NFIC: variants seen among roughly 807,000 people sequenced by gnomAD.
NFIC encodes the protein nuclear factor I C, also known as nuclear factor 1 C-type.
A neutral mutation model predicts 54.4 loss-of-function variants in NFIC; 12 were observed. The ratio of observed to expected loss-of-function variants is 0.22; its 90% CI spans 0.14 to 0.36. The LOEUF (loss-of-function observed/expected upper bound fraction) is 0.36. Ranked by LOEUF, NFIC falls within the 10% of genes least tolerant of loss-of-function variation. The probability of loss-of-function intolerance (pLI) is 1.00; values close to 1 mark genes in which losing one functional copy is unlikely to be tolerated. For missense variants in NFIC, 575 were observed against 718.2 expected (o/e 0.80, Z 2.28); for synonymous variants, 322 against 319.2 (o/e 1.01, Z -0.09).
intron 2 of NFIC, among the ~76,000 whole-genome samples, chr19:3,385,550 T>G (rs999155361): frequency 1.3e-5 from 2 of 150,178 alleles, no homozygotes; most frequent in African/African-American, 4.9e-5. Context: ...TTGGGTTTTT[T>G]GGGGGTTTTT....
intron 2 of NFIC, among the ~76,000 whole-genome samples, chr19:3,421,359 G>A (rs996766105): frequency 1.3e-5 from 2 of 152,212 alleles, no homozygotes; most frequent in African/African-American, 2.4e-5. Flanking sequence ...CCGGACGGCC[G>A]GCTGCCCAGG....
chr19:3,386,557 A>G (rs1273101525), intron 2 of NFIC, among the ~76,000 whole-genome samples: 1 of 151,858 alleles, frequency 6.6e-6, no homozygotes, highest in Non-Finnish European at 1.5e-5. Context: ...TCATGGCCTC[A>G]AGTGATCCGC....
upstream of NFIC, among the ~76,000 whole-genome samples, chr19:3,363,303 G>A (rs1477431829): frequency 2.2e-4 from 24 of 110,394 alleles, no homozygotes; most frequent in African/African-American, 8.1e-4. Context: ...ATGGAGTTTC[G>A]CTCTGTTGCC....
intron 6 of NFIC, among the ~76,000 whole-genome samples, chr19:3,447,368 C>T (rs1018534029): frequency 4.0e-5 from 6 of 151,858 alleles, no homozygotes; most frequent in African/African-American, 1.5e-4. Flanking sequence ...TGGGACTCCA[C>T]CCCAGCCTCC....
intron 2 of NFIC, among the ~76,000 whole-genome samples, chr19:3,405,595 ATTT>A (rs2081635853): frequency 1.3e-5 from 2 of 151,804 alleles, no homozygotes; most frequent in African/African-American, 4.8e-5. Flanking sequence ...AATTTAATTT[ATTT>A]ATTTATTTAT....
intron 2 of NFIC, among the ~76,000 whole-genome samples, chr19:3,390,386 G>T (rs992347172): frequency 6.6e-6 from 1 of 152,184 alleles, no homozygotes; most frequent in Non-Finnish European, 1.5e-5. Context: ...GGCAGGTGGG[G>T]GTCCAGCTCC....
At chr19:3,448,262 A>G (rs1568192390) in intron 6 of NFIC, among the ~76,000 whole-genome samples, 1 of 152,174 alleles carries the variant, frequency 6.6e-6, no homozygotes, top group East Asian at 1.9e-4. Flanking sequence ...TAGTGGAGAC[A>G]GGGTTTCACC....
At chr19:3,428,352 C>T (rs1204096792) in intron 3 of NFIC, among the ~76,000 whole-genome samples, 2 of 147,808 alleles carry the variant, frequency 1.4e-5, no homozygotes, top group East Asian at 2.0e-4. Flanking sequence ...GGGAGGCTGA[C>T]GCAGGAGAAT....
At chr19:3,399,532 G>A (rs1458388732) in intron 2 of NFIC, among the ~76,000 whole-genome samples, 7 of 151,648 alleles carry the variant, frequency 4.6e-5, no homozygotes, top group African/African-American at 1.7e-4. Flanking sequence ...GCTGTGATTG[G>A]GCCACTGCAC....
chr19:3,385,250 A>C (rs1050175162), intron 2 of NFIC, among the ~76,000 whole-genome samples: 2 of 109,168 alleles, frequency 1.8e-5, no homozygotes, highest in African/African-American at 7.5e-5. Context: ...CCAGCTCCTC[A>C]TGGGGGTAAG....
Position 3,453,882 on chromosome 19 carries a change from C to T in NFIC, c.1389C>T (p.Thr463=). 3 of 1,557,858 alleles carry T rather than the reference C, an allele frequency of 1.9e-6. No homozygotes were observed. Among genetic ancestry groups the T allele is most frequent in the African/African-American group, 1.4e-5 (1 of 72,754 alleles). ...ALPPATKPAT[T]SEGGATSPTS... ...CCCCTGCCACCAAACCCGCCACCAC[C>T]TCCGAGGGAGGAGCCACGTCGCCGA... The change falls in exon 9 of 11, where the codon ACC becomes ACT. Residue 463 remains threonine (T), a synonymous_variant. Transcript: ENST00000443272. This position sits in a 1 kb window ranked among gnomAD's most constrained non-coding sequence, Gnocchi z 6.7.
chr19:3,435,279 A>T, intron 6 of NFIC, 72 bp downstream of exon 6: 10 of 1,446,876 alleles, frequency 6.9e-6, no homozygotes, highest in Non-Finnish European at 9.2e-6. Flanking sequence ...GTCTTCCGGC[A>T]GCCACTGCGC....
rs991799368 is a variant in NFIC at position 3,453,924 on chromosome 19, C to A, written c.1423+8C>A. 6.6e-7 allele frequency: 1 copy of A among 1,523,352 alleles called. No homozygotes were observed. The highest frequency in any genetic ancestry group is 2.5e-5 in the East Asian group (1 of 39,218). The allele number at this position is 1,523,352 out of a possible 1,614,324, so 94.4% of individuals were successfully genotyped here. On this transcript the variant is annotated splice_region_variant and intron_variant, in intron 9 of 10. Coordinates refer to ENST00000443272, the MANE Select transcript of NFIC (RefSeq NM_001245002.2). This position sits in a 1 kb window ranked among gnomAD's most constrained non-coding sequence, Gnocchi z 6.7. ...CGTCGCCGACCTCGCCTTGTAAGCA[C>A]GCGGGAAGCGGTGCCCTGGTGGGGC...
intron 2 of NFIC, among the ~76,000 whole-genome samples, chr19:3,396,565 A>G (rs2081467816): frequency 6.6e-6 from 1 of 151,600 alleles, no homozygotes; most frequent in African/African-American, 2.4e-5. Context: ...CCTGTCTACC[A>G]CCAGGCGTCC....
chr19:3,376,044 C>T (rs76287541), intron 1 of NFIC, among the ~76,000 whole-genome samples: 43,122 of 151,962 alleles, frequency 0.28, 6,932 homozygotes, highest in East Asian at 0.44. Context: ...GCCAGGTCTC[C>T]GCCCCTCTCT....
chr19:3,409,759 C>T lies in NFIC; in HGVS notation c.563-15347C>T, dbSNP rs577991341. ...ACAGGAGAGAACAGTGTGTCCGCCC[C>T]GTCAGTGCCATCCAGCGTGCGTGGC... On this transcript the variant is annotated intron_variant, in intron 2 of 10. Transcript: ENST00000443272. 3.3e-5 allele frequency among the ~76,000 whole-genome samples: 5 copies of T among 152,328 alleles called. No homozygotes were observed. In the South Asian group the frequency reaches 6.2e-4, roughly 19 times the overall value.
intron 6 of NFIC, 132 bp from the exon 7 acceptor site, chr19:3,448,882 C>A: frequency 7.2e-7 from 1 of 1,381,982 alleles, no homozygotes; most frequent in Non-Finnish European, 9.8e-7. Flanking sequence ...CAGCCTCTCC[C>A]CCTCAGGATT....
intron 2 of NFIC, among the ~76,000 whole-genome samples, chr19:3,387,973 G>A (rs1268687675): frequency 2.6e-5 from 4 of 152,224 alleles, no homozygotes; most frequent in South Asian, 2.1e-4. Context: ...AGGCGCGGGC[G>A]GGCACCGTGC....
chr19:3,367,781 T>G (rs986643329), intron 1 of NFIC, among the ~76,000 whole-genome samples: 1 of 151,950 alleles, frequency 6.6e-6, no homozygotes, highest in Non-Finnish European at 1.5e-5. Context: ...AACTGTAAAG[T>G]CCCGGCACGT....
Sources: gnomAD v4.1 joint callset for allele counts (sites outside exome capture counted in the v4.1 genomes callset) on GRCh38, gnomAD v4.1.1 for gene constraint, Gnocchi (gnomAD v3.1) non-coding constraint, MANE v1.5 for transcripts, NCBI Gene and HGNC (gene_info 2026-07-23, HGNC 2026-07-21) for gene names.